Variants in CUL3 observed in about 807,000 individuals in gnomAD.
The protein encoded by CUL3 is cullin 3.
In CUL3, 19 loss-of-function variants were observed where a neutral mutation model predicts 89.1. That is an observed-to-expected ratio of 0.21 (90% CI 0.15 to 0.31). The LOEUF (loss-of-function observed/expected upper bound fraction) is 0.31. CUL3 is among the 10% of genes least tolerant of loss of function. The probability of loss-of-function intolerance (pLI) is 1.00; values close to 1 mark genes in which losing one functional copy is unlikely to be tolerated. For synonymous variants in CUL3, 351 were observed against 308.4 expected, an observed-to-expected ratio of 1.14 and a Z score of -1.45; for missense variants, 469 against 942.3, an observed-to-expected ratio of 0.50 and a Z score of 6.58.
chr2:224,525,313 A>G (rs902009912), intron 3 of CUL3, among the ~76,000 whole-genome samples: 3 of 152,248 alleles, frequency 2.0e-5, no homozygotes, highest in African/African-American at 7.2e-5. Context: ...AACACTGCAA[A>G]TTCAAAGGCT....
At chr2:224,561,646 C>A (rs1694904610) in intron 1 of CUL3, among the ~76,000 whole-genome samples, 2 of 152,156 alleles carry the variant, frequency 1.3e-5, no homozygotes, top group African/African-American at 4.8e-5. Flanking sequence ...AGACTTTTAT[C>A]AAATGACTGT....
chr2:224,502,434 G>A (rs1358089174), intron 10 of CUL3, among the ~76,000 whole-genome samples: 1 of 152,190 alleles, frequency 6.6e-6, no homozygotes, highest in East Asian at 1.9e-4. Context: ...CCACCTTTGG[G>A]GAGTTATACC....
At chr2:224,538,494 A>G (rs1007677887) in intron 2 of CUL3, among the ~76,000 whole-genome samples, 12 of 152,224 alleles carry the variant, frequency 7.9e-5, no homozygotes, top group African/African-American at 2.9e-4. Flanking sequence ...GGTGGGAGGG[A>G]TAACATTGTT....
chr2:224,537,895 A>G (rs1261430719), intron 2 of CUL3, among the ~76,000 whole-genome samples: 1 of 152,186 alleles, frequency 6.6e-6, no homozygotes, highest in East Asian at 1.9e-4. Context: ...TAAAAAGTTA[A>G]TGTTACAAAA....
intron 1 of CUL3, chr2:224,569,759 T>C: frequency 8.3e-7 from 1 of 1,207,960 alleles, no homozygotes; most frequent in Non-Finnish European, 1.1e-6. Context: ...TGAAAAGAAG[T>C]GAATTCTTAA....
chr2:224,482,070 C>G lies in CUL3; in HGVS notation c.1851G>C (p.Gln617His), dbSNP rs772355997. Residue 617 changes from glutamine to histidine, a missense_variant, in exon 14 of 16, where the codon CAG (glutamine) becomes CAC (histidine). Physicochemically the swap from Gln to His is conservative, Grantham distance 24 (BLOSUM62 0). Around this residue, in one of 4 missense-constraint regions of CUL3, gnomAD observed 370 missense variants for 733.2 expected, o/e 0.50. Transcript: ENST00000264414. Reference sequence around the variant, plus strand: ...CTCTTTCAGGGATATCTGTCTCTTGCTGAATTTCCTGAAATTTCATCAGAT... The same window carrying G: ...CTCTTTCAGGGATATCTGTCTCTTGGTGAATTTCCTGAAATTTCATCAGAT... ...NREKYTFEEIQQETDIPEREL... is the reference protein window; with the variant it reads ...NREKYTFEEIHQETDIPEREL... 1.9e-6 allele frequency: 3 copies of G among 1,586,772 alleles called. No individual in the cohort carries two copies. Among genetic ancestry groups the G allele is most frequent in the Non-Finnish European group, 1.7e-6 (2 of 1,170,700 alleles).
chr2:224,540,529 C>T (rs1039582253), intron 2 of CUL3, among the ~76,000 whole-genome samples: 9 of 152,126 alleles, frequency 5.9e-5, no homozygotes, highest in African/African-American at 2.2e-4. Context: ...AGTATCTACC[C>T]AGGTGACTCT....
intron 1 of CUL3, among the ~76,000 whole-genome samples, chr2:224,561,959 A>C (rs1694916081): frequency 6.6e-6 from 1 of 152,248 alleles, no homozygotes. Context: ...AATGTCAACT[A>C]TAAGCCTCAA....
At chr2:224,518,876 C>T (rs955471649) in intron 3 of CUL3, among the ~76,000 whole-genome samples, 7 of 152,154 alleles carry the variant, frequency 4.6e-5, no homozygotes, top group Admixed American at 2.0e-4. Flanking sequence ...GTGATGGTAT[C>T]GCTACTAAAG....
chr2:224,552,871 GAAC>G (rs1376072796), intron 2 of CUL3, among the ~76,000 whole-genome samples: 3 of 151,888 alleles, frequency 2.0e-5, no homozygotes, highest in Non-Finnish European at 1.5e-5. Context: ...AATGCTTTCA[GAAC>G]AACAAAAAAA....
chr2:224,494,726 T>C (rs1276061394), intron 13 of CUL3, among the ~76,000 whole-genome samples: 1 of 152,160 alleles, frequency 6.6e-6, no homozygotes, highest in Non-Finnish European at 1.5e-5. Context: ...ATCCTTACCT[T>C]ATACTATATA....
At chr2:224,521,433 CT>C (rs768599132) in intron 3 of CUL3, among the ~76,000 whole-genome samples, 601 of 140,452 alleles carry the variant, frequency 4.3e-3, no homozygotes, top group Middle Eastern at 0.015. Context: ...TTTCATACTT[CT>C]TTTTTTTTTT....
intron 3 of CUL3, among the ~76,000 whole-genome samples, chr2:224,517,799 A>ATT (rs556739662): frequency 6.6e-6 from 1 of 151,694 alleles, no homozygotes; most frequent in Admixed American, 6.6e-5. Context: ...ATCCTTCTAG[A>ATT]TTTTTTTTTA....
chr2:224,531,501 G>T (rs1693696077), intron 3 of CUL3, among the ~76,000 whole-genome samples: 1 of 151,404 alleles, frequency 6.6e-6, no homozygotes, highest in Non-Finnish European at 1.5e-5. Context: ...TGCCTAGTTT[G>T]TACAAGGAGC....
intron 6 of CUL3, among the ~76,000 whole-genome samples, chr2:224,507,960 T>C (rs1183271064): frequency 6.6e-6 from 1 of 152,188 alleles, no homozygotes; most frequent in Non-Finnish European, 1.5e-5. Flanking sequence ...TTTTAAAATG[T>C]GAGCCATAGA....
chr2:224,506,823 A>G, intron 7 of CUL3, 35 bp downstream of exon 7: 1 of 1,605,936 alleles, frequency 6.2e-7, no homozygotes, highest in Non-Finnish European at 8.5e-7. Context: ...AAATGCCTTT[A>G]TCATAAACAC....
At chr2:224,558,014 A>AG (rs1491341331) in intron 1 of CUL3, among the ~76,000 whole-genome samples, 158 bp from the exon 2 acceptor site, 3 of 151,776 alleles carry the variant, frequency 2.0e-5, no homozygotes, top group South Asian at 2.1e-4. Context: ...CTATTTTAAC[A>AG]GGGGGAAAAA....
At chr2:224,514,572 A>T in intron 4 of CUL3, 40 bp downstream of exon 4, 10 of 1,539,956 alleles carry the variant, frequency 6.5e-6, no homozygotes, top group Non-Finnish European at 8.8e-6. Context: ...AGATATAATC[A>T]CTAAAACCAA....
chr2:224,565,469 T>C (rs1695021177), intron 1 of CUL3, among the ~76,000 whole-genome samples: 1 of 152,176 alleles, frequency 6.6e-6, no homozygotes. Flanking sequence ...AAAAACACAT[T>C]GTAATTTGCC....
Sources: allele counts gnomAD v4.1 joint callset (sites outside exome capture counted in the v4.1 genomes callset), GRCh38; gene constraint gnomAD v4.1.1; regional missense constraint gnomAD v4.1.1; transcripts MANE v1.5; gene names NCBI Gene and HGNC (gene_info 2026-07-23, HGNC 2026-07-21).